The following CTNNA2 variants were observed in gnomAD, a reference collection of about 807,000 sequenced individuals.
The protein encoded by CTNNA2 is catenin alpha 2.
A neutral mutation model predicts 101.0 loss-of-function variants in CTNNA2; 42 were observed. The ratio of observed to expected loss-of-function variants is 0.42; its 90% CI spans 0.32 to 0.54. The LOEUF is 0.54. Ranked by LOEUF, CTNNA2 falls within the 20% of genes least tolerant of loss-of-function variation. The probability of loss-of-function intolerance (pLI) is 0.14; values close to 1 mark genes in which losing one functional copy is unlikely to be tolerated. For missense variants in CTNNA2, 871 were observed against 1,223.1 expected, an observed-to-expected ratio of 0.71 and a Z score of 4.29; for synonymous variants, 450 against 456.4, an observed-to-expected ratio of 0.99 and a Z score of 0.18.
At chr2:79,961,747 G>C (rs571073240) in intron 7 of CTNNA2, among the ~76,000 whole-genome samples, 16 of 151,468 alleles carry the variant, frequency 1.1e-4, no homozygotes, top group Admixed American at 9.2e-4. Flanking sequence ...GCGTGAACCC[G>C]GGGGGCAGAG....
intron 7 of CTNNA2, among the ~76,000 whole-genome samples, chr2:80,078,375 G>C (rs938334646): frequency 5.3e-5 from 8 of 152,134 alleles, no homozygotes; most frequent in African/African-American, 1.9e-4. Context: ...TTTGATTTGA[G>C]TACTAGATAG....
intron 7 of CTNNA2, among the ~76,000 whole-genome samples, chr2:80,116,164 CCA>C (rs1187435835): frequency 6.6e-6 from 1 of 151,852 alleles, no homozygotes; most frequent in African/African-American, 2.4e-5. Context: ...ACAAAAGCAG[CCA>C]CAGCCACTAC....
chr2:79,836,713 C>T (rs1038331860), intron 3 of CTNNA2, among the ~76,000 whole-genome samples: 1 of 152,138 alleles, frequency 6.6e-6, no homozygotes, highest in African/African-American at 2.4e-5. Context: ...TCATCTCTGA[C>T]TCTGTTGTCA....
At position 80,178,207 on chromosome 2, in the gene CTNNA2, G is replaced by A. The variant is rs547007445; in HGVS notation, c.1057-215004G>A. ...ACTTGTGCCCCAAGGACCTGTTCAAGCCTGTTCACGTACATACATATCATT... is the reference window on the plus strand; with the variant it reads ...ACTTGTGCCCCAAGGACCTGTTCAAACCTGTTCACGTACATACATATCATT... On this transcript the variant is annotated intron_variant, in intron 7 of 18. Transcript: ENST00000402739. 3.9e-5 allele frequency among the ~76,000 whole-genome samples: 6 copies of A among 152,302 alleles called. No individual in the cohort carries two copies. The South Asian group carries it at 1.2e-3, about 32-fold the overall frequency.
chr2:79,688,813 C>T (rs1233412759), intron 2 of CTNNA2, among the ~76,000 whole-genome samples: 1 of 151,996 alleles, frequency 6.6e-6, no homozygotes, highest in African/African-American at 2.4e-5. Flanking sequence ...GTCCAGAAGG[C>T]ACCTATTCCC....
In CTNNA2 at chr2:80,589,327, G is replaced by A. The variant is rs1201849160; in HGVS notation, c.2031G>A (p.Gln677=). 6.2e-7 allele frequency: 1 copy of A among 1,614,090 alleles called. No homozygotes were observed. The highest frequency in any genetic ancestry group is 1.3e-5 in the African/African-American group (1 of 75,038). ...AGGCCATCATGGCGCAACTACCGCAGGAGGAGAAGGCAAAAATAGCTGAGC... is the reference window on the plus strand; with the variant it reads ...AGGCCATCATGGCGCAACTACCGCAAGAGGAGAAGGCAAAAATAGCTGAGC... ...SARAIMAQLP[Q]EEKAKIAEQV... is the part of the protein sequence containing the mutation. The change falls in exon 15 of 19, where the codon CAG becomes CAA. Residue 677 remains glutamine (Q), a synonymous_variant. Coordinates refer to ENST00000402739, the MANE Select transcript of CTNNA2 (RefSeq NM_001282597.3).
At chr2:80,554,340 GT>G (rs377155518) in intron 11 of CTNNA2, among the ~76,000 whole-genome samples, 105 of 152,168 alleles carry the variant, frequency 6.9e-4, no homozygotes, top group African/African-American at 2.4e-3. Context: ...GGATTTGGCA[GT>G]TATAATTTTA....
chr2:80,496,160 G>A (rs1277559460), intron 9 of CTNNA2, among the ~76,000 whole-genome samples: 1 of 152,012 alleles, frequency 6.6e-6, no homozygotes, highest in Admixed American at 6.6e-5. Flanking sequence ...CTTGATTGTG[G>A]ACTTCTTCCC....
chr2:79,745,890 C>T (rs562011675), intron 3 of CTNNA2, among the ~76,000 whole-genome samples: 1 of 152,108 alleles, frequency 6.6e-6, no homozygotes, highest in South Asian at 2.1e-4. Flanking sequence ...TCTTTAATGC[C>T]CTGCTTTCAG....
chr2:79,407,032 G>C (rs1241219301), intron 4 of CTNNA2, among the ~76,000 whole-genome samples: 1 of 151,986 alleles, frequency 6.6e-6, no homozygotes, highest in Non-Finnish European at 1.5e-5. Flanking sequence ...TGCACTTATA[G>C]TGCATTTACA....
chr2:79,984,132 T>C (rs1691590799), intron 7 of CTNNA2, among the ~76,000 whole-genome samples: 1 of 152,224 alleles, frequency 6.6e-6, no homozygotes, highest in African/African-American at 2.4e-5. Flanking sequence ...GCATGTTCAA[T>C]TTAATTCTGG....
intron 7 of CTNNA2, among the ~76,000 whole-genome samples, chr2:80,075,584 A>G (rs1203947578): frequency 1.1e-5 from 1 of 91,778 alleles, no homozygotes; most frequent in Non-Finnish European, 2.6e-5. Context: ...TAATATTTAT[A>G]CATGTATAAA....
chr2:79,618,988 T>A (rs1678822743), intron 1 of CTNNA2, among the ~76,000 whole-genome samples: 1 of 152,140 alleles, frequency 6.6e-6, no homozygotes, highest in African/African-American at 2.4e-5. Context: ...GGTGGATCAT[T>A]TGAGGTCAGT....
At chr2:79,723,697 C>T (rs764340118) in intron 2 of CTNNA2, among the ~76,000 whole-genome samples, 2 of 152,214 alleles carry the variant, frequency 1.3e-5, no homozygotes, top group African/African-American at 2.4e-5. Context: ...GCTGATCATA[C>T]ATATGGTACT....
chr2:79,292,433 A>T (rs1490954973), intron 2 of CTNNA2, among the ~76,000 whole-genome samples: 1 of 152,230 alleles, frequency 6.6e-6, no homozygotes, highest in Admixed American at 6.5e-5. Flanking sequence ...GCAAGCTGGA[A>T]GAGAAGTACA....
At chr2:80,079,832 T>A (rs865909635) in intron 7 of CTNNA2, among the ~76,000 whole-genome samples, 5 of 63,764 alleles carry the variant, frequency 7.8e-5, no homozygotes, top group East Asian at 1.4e-3. Context: ...ATAAAATAAA[T>A]AAAATAAAAT....
chr2:79,756,439 G>T (rs535562501), intron 3 of CTNNA2, among the ~76,000 whole-genome samples: 8 of 152,176 alleles, frequency 5.3e-5, no homozygotes, highest in African/African-American at 1.9e-4. Context: ...TACATTATCT[G>T]CTAATAAGAA....
intron 7 of CTNNA2, among the ~76,000 whole-genome samples, chr2:79,942,313 G>A (rs190395511): frequency 1.5e-3 from 225 of 152,264 alleles, no homozygotes; most frequent in African/African-American, 5.3e-3. Context: ...CCACACATCT[G>A]GTAGATGGCA....
At chr2:79,468,287 A>G (rs1670960887) in intron 4 of CTNNA2, among the ~76,000 whole-genome samples, 1 of 152,208 alleles carries the variant, frequency 6.6e-6, no homozygotes, top group South Asian at 2.1e-4. Flanking sequence ...AAAGAAGGCC[A>G]TTACAGAATG....
Sources: gnomAD v4.1 joint callset for allele counts (sites outside exome capture counted in the v4.1 genomes callset) on GRCh38, gnomAD v4.1.1 for gene constraint, MANE v1.5 for transcripts, NCBI Gene and HGNC (gene_info 2026-07-23, HGNC 2026-07-21) for gene names.